CACNA2D3: variants seen among roughly 807,000 people sequenced by gnomAD.
CACNA2D3 encodes voltage-dependent calcium channel subunit alpha-2/delta-3.
In CACNA2D3, 60 loss-of-function variants were observed where a neutral mutation model predicts 160.6. That is an observed-to-expected ratio of 0.37 (90% CI 0.30 to 0.46). The LOEUF (loss-of-function observed/expected upper bound fraction) is 0.46, where lower values mean the gene tolerates loss of function less well. Ranked by LOEUF, CACNA2D3 falls within the 20% of genes least tolerant of loss-of-function variation. The pLI is 1.00. For synonymous variants in CACNA2D3, 558 were observed against 492.9 expected, an observed-to-expected ratio of 1.13 and a Z score of -1.75; for missense variants, 1,205 against 1,365.0, an observed-to-expected ratio of 0.88 and a Z score of 1.85.
At chr3:55,037,327 T>C (rs554897261) in intron 35 of CACNA2D3, among the ~76,000 whole-genome samples, 1 of 152,288 alleles carries the variant, frequency 6.6e-6, no homozygotes, top group South Asian at 2.1e-4. Flanking sequence ...AGAAAGATGG[T>C]GAACCTACAG....
chr3:54,933,480 T>C (rs1305091438), intron 27 of CACNA2D3, among the ~76,000 whole-genome samples: 1 of 152,172 alleles, frequency 6.6e-6, no homozygotes, highest in African/African-American at 2.4e-5. Flanking sequence ...CCACTTCTGC[T>C]CACATTCTAT....
chr3:54,688,979 C>CAA lies in CACNA2D3; in HGVS notation c.1167+46769_1167+46770dup, dbSNP rs1162900126. On this transcript the variant is annotated intron_variant, in intron 11 of 37. Transcript: ENST00000474759. ...CCTGGGAGACAGTGTGAGACTGTCT[C>CAA]AAAAAAAAAAAAAAAAAAAAAAAAA... 8.0e-3 allele frequency among the ~76,000 whole-genome samples: 251 copies of CAA among 31,424 alleles called. 17 individuals carry two copies. In the East Asian group the frequency reaches 0.095, roughly 12 times the overall value. The allele number at this position is 31,424 out of a possible 152,430, so 20.6% of individuals were successfully genotyped here. A position where few individuals can be genotyped will look rare whatever the true frequency, so the allele number is the denominator to read the frequency against.
In CACNA2D3 at chr3:54,398,196, T is replaced by G. The variant is rs1032315192; in HGVS notation, c.381+11422T>G. ...TAGATCTTCCTCCATCCTTTTATTT[T>G]GAGCCTATGTGTGTCTCTGCACGTG... On this transcript the variant is annotated intron_variant, in intron 4 of 37. Transcript: ENST00000474759. Among the ~76,000 whole-genome samples the G allele has an allele frequency of 5.0e-3, 661 of 131,954 alleles. 2 individuals carry two copies. The highest frequency in any genetic ancestry group is 0.016 in the Middle Eastern group (4 of 258). The allele number at this position is 131,954 out of a possible 152,430, so 86.6% of individuals were successfully genotyped here.
chr3:55,062,703 AC>A (rs922819744), intron 35 of CACNA2D3, among the ~76,000 whole-genome samples: 4 of 152,092 alleles, frequency 2.6e-5, no homozygotes, highest in African/African-American at 9.7e-5. Flanking sequence ...CTACTGGGAA[AC>A]CATTTGTTTT....
intron 11 of CACNA2D3, among the ~76,000 whole-genome samples, chr3:54,733,287 CA>C (rs1413404108): frequency 1.3e-4 from 20 of 152,262 alleles, no homozygotes; most frequent in Admixed American, 2.0e-4. Context: ...CGTCACTTGG[CA>C]GTCATAGATT....
intron 13 of CACNA2D3, among the ~76,000 whole-genome samples, chr3:54,809,307 C>CTTTTTTTTTTTTTTTTT (rs1417063441): frequency 1.4e-4 from 12 of 86,244 alleles, no homozygotes; most frequent in Non-Finnish European, 1.2e-4. Context: ...TTCCTTCCTT[C>CTTTTTTTTTTTTTTTTT]TTTCTTTTTT....
At chr3:54,789,899 G>T (rs1256496753) in intron 13 of CACNA2D3, 2 of 513,740 alleles carry the variant, frequency 3.9e-6, no homozygotes, top group East Asian at 5.5e-5. Context: ...GCTGTTTCAG[G>T]GGTCAGAGCC....
intron 13 of CACNA2D3, 24 bp downstream of exon 13, chr3:54,764,375 A>AC: frequency 6.2e-7 from 1 of 1,613,274 alleles, no homozygotes; most frequent in Non-Finnish European, 8.5e-7. Context: ...GCCCTGGGAA[A>AC]GAGGCTAAGC....
At chr3:54,718,031 A>G (rs1186944815) in intron 11 of CACNA2D3, among the ~76,000 whole-genome samples, 4 of 152,280 alleles carry the variant, frequency 2.6e-5, no homozygotes, top group East Asian at 3.9e-4. Flanking sequence ...GGCTATGCCT[A>G]TGTATTTTTT....
intron 11 of CACNA2D3, among the ~76,000 whole-genome samples, chr3:54,696,827 C>G (rs1027714443): frequency 6.6e-6 from 1 of 152,224 alleles, no homozygotes; most frequent in Admixed American, 6.5e-5. Context: ...ATCATCCTTG[C>G]TTACTTCCCA....
At chr3:54,196,681 T>C (rs1195889563) in intron 2 of CACNA2D3, among the ~76,000 whole-genome samples, 1 of 152,224 alleles carries the variant, frequency 6.6e-6, no homozygotes, top group Non-Finnish European at 1.5e-5. Context: ...TTAAATTGCG[T>C]TTTCTGTAAT....
intron 11 of CACNA2D3, among the ~76,000 whole-genome samples, chr3:54,680,177 T>G (rs1187920195): frequency 8.6e-5 from 13 of 152,044 alleles, no homozygotes; most frequent in Admixed American, 8.5e-4. Context: ...AAAAATGGTT[T>G]GCTAGGGAAA....
intron 13 of CACNA2D3, among the ~76,000 whole-genome samples, chr3:54,795,653 A>G (rs1218607718): frequency 1.3e-5 from 2 of 152,130 alleles, no homozygotes; most frequent in African/African-American, 4.8e-5. Context: ...TTGTTGCTCA[A>G]TTATTGAGAA....
At chr3:54,602,461 G>A (rs928930780) in intron 9 of CACNA2D3, among the ~76,000 whole-genome samples, 16 of 128,528 alleles carry the variant, frequency 1.2e-4, no homozygotes, top group South Asian at 1.2e-3. Flanking sequence ...TCATGCCACT[G>A]CACTCCAGCC....
intron 11 of CACNA2D3, among the ~76,000 whole-genome samples, chr3:54,693,783 T>C (rs899996525): frequency 6.6e-6 from 1 of 151,942 alleles, no homozygotes. Context: ...AACAAAAAAG[T>C]TTAAAAAGTA....
intron 27 of CACNA2D3, among the ~76,000 whole-genome samples, chr3:54,927,439 T>C (rs757393505): frequency 3.3e-5 from 5 of 152,208 alleles, no homozygotes; most frequent in Non-Finnish European, 7.3e-5. Flanking sequence ...CCCTCAGTAA[T>C]GAACGGACAC....
At chr3:54,605,787 A>G (rs1698596685) in intron 9 of CACNA2D3, among the ~76,000 whole-genome samples, 1 of 152,192 alleles carries the variant, frequency 6.6e-6, no homozygotes, top group African/African-American at 2.4e-5. Flanking sequence ...TCAGAATTAG[A>G]TAAGTGAGTT....
intron 2 of CACNA2D3, among the ~76,000 whole-genome samples, chr3:54,307,636 T>A (rs924950869): frequency 6.6e-6 from 1 of 152,152 alleles, no homozygotes; most frequent in Non-Finnish European, 1.5e-5. Flanking sequence ...AATTTGGAGG[T>A]GAAAGAGTTA....
chr3:54,823,070 G>T (rs1703676820), intron 14 of CACNA2D3, among the ~76,000 whole-genome samples: 1 of 151,732 alleles, frequency 6.6e-6, no homozygotes, highest in Admixed American at 6.6e-5. Context: ...GGCCAGGCTG[G>T]TCTTGAACTC....
Sources: allele counts gnomAD v4.1 joint callset (sites outside exome capture counted in the v4.1 genomes callset), GRCh38; gene constraint gnomAD v4.1.1; transcripts MANE v1.5; gene names NCBI Gene and HGNC (gene_info 2026-07-23, HGNC 2026-07-21).